The following SPAG17 variants were observed in gnomAD, a reference collection of about 807,000 sequenced individuals.
The protein encoded by SPAG17 is sperm-associated antigen 17.
A neutral mutation model predicts 273.6 loss-of-function variants in SPAG17; 169 were observed. The observed-to-expected ratio is 0.62, with a 90% CI of 0.55 to 0.70. The LOEUF (loss-of-function observed/expected upper bound fraction) is 0.70, where lower values mean the gene tolerates loss of function less well. Ranked by LOEUF, SPAG17 falls within the 30% of genes least tolerant of loss-of-function variation. The pLI, the probability that SPAG17 is intolerant of heterozygous loss-of-function variation, is 0.00. For synonymous variants in SPAG17, 825 were observed against 873.2 expected (o/e 0.94, Z 0.97); for missense variants, 2,557 against 2,627.8 (o/e 0.97, Z 0.59).
At position 117,981,514 on chromosome 1, in the gene SPAG17, C is replaced by T. The variant is rs898376540; in HGVS notation, c.5873-113G>A. ...AGGTGTTTTACAATGAATGAGGTAC[C>T]TTTTCTGCCACTCTCTTTAGAAAGA... is the stretch of plus-strand genomic sequence containing the variant. On this transcript the variant is annotated intron_variant, in intron 42 of 48. Transcript: ENST00000336338. The T allele has an allele frequency of 6.3e-4, 682 of 1,080,472 alleles. 9 individuals are homozygous for T. The Middle Eastern group carries it at 7.0e-3, about 11-fold the overall frequency. The allele number at this position is 1,080,472 out of a possible 1,614,324, so 66.9% of individuals were successfully genotyped here.
chr1:118,006,050 C>T (rs772895453), intron 31 of SPAG17, among the ~76,000 whole-genome samples: 12 of 152,126 alleles, frequency 7.9e-5, no homozygotes, highest in Admixed American at 2.0e-4. Context: ...GTGGCTGACA[C>T]GGTCCTTAAG....
At chr1:117,978,278 CACACCAA>C (rs1655352195) in intron 43 of SPAG17, among the ~76,000 whole-genome samples, 1 of 152,176 alleles carries the variant, frequency 6.6e-6, no homozygotes, top group Non-Finnish European at 1.5e-5. Flanking sequence ...CCATCTTCCC[CACACCAA>C]ACCTATCAAC....
At chr1:118,037,887 A>G (rs1649268641) in intron 23 of SPAG17, among the ~76,000 whole-genome samples, 1 of 152,178 alleles carries the variant, frequency 6.6e-6, no homozygotes, top group African/African-American at 2.4e-5. Context: ...GATAATAAAG[A>G]TGGGGCAATA....
rs375324159 is a variant in SPAG17, at chr1:118,185,085, C to G, written c.73G>C (p.Ala25Pro). 2 of 1,614,014 alleles carry G rather than the reference C, an allele frequency of 1.2e-6. No homozygotes were observed. The highest frequency in any genetic ancestry group is 3.3e-5 in the Admixed American group (2 of 60,022). Residue 25 changes from alanine (A) to proline (P), a missense_variant, in exon 1 of 49, where the codon GCA becomes CCA. Coordinates refer to ENST00000336338, the MANE Select transcript of SPAG17 (RefSeq NM_206996.4). ...TCAAGGCTCACCTGATTGAACTGTG[C>G]AGCTATGAGCGAGGGTTCCCATATC... Reference protein sequence around the residue: ...SKIWEPSLIAAQFNQNDWQAS... With the variant: ...SKIWEPSLIAPQFNQNDWQAS...
At position 118,042,056 on chromosome 1, in the gene SPAG17, T is replaced by C. The variant is rs755120969; in HGVS notation, c.2815-14A>G. The C allele has an allele frequency of 6.9e-6, 11 of 1,593,006 alleles. No homozygotes were observed. Among genetic ancestry groups the C allele is most frequent in the Non-Finnish European group, 9.4e-6 (11 of 1,174,780 alleles). ...TTCTTTCCATGCCTGTAAACACATT[T>C]AAGAAATTTAACAGGATTTTTAAAC... On this transcript the variant is annotated splice_polypyrimidine_tract_variant and intron_variant, in intron 20 of 48. Transcript: ENST00000336338.
chr1:118,032,995 A>C (rs1648656905), intron 24 of SPAG17, among the ~76,000 whole-genome samples: 2 of 152,100 alleles, frequency 1.3e-5, no homozygotes, highest in Admixed American at 1.3e-4. Flanking sequence ...CTCGGGCCCC[A>C]CCTTGACCTA....
At chr1:118,052,690 T>A (rs1261014590) in intron 20 of SPAG17, among the ~76,000 whole-genome samples, 1 of 151,920 alleles carries the variant, frequency 6.6e-6, no homozygotes, top group Non-Finnish European at 1.5e-5. Flanking sequence ...AGTTAAAAAA[T>A]AAGTAATAAA....
chr1:118,143,012 T>C (rs865773894), intron 3 of SPAG17, among the ~76,000 whole-genome samples: 1 of 152,228 alleles, frequency 6.6e-6, no homozygotes, highest in African/African-American at 2.4e-5. Flanking sequence ...ACATGGTCAC[T>C]TAACCATATA....
intron 3 of SPAG17, among the ~76,000 whole-genome samples, chr1:118,136,638 A>C (rs1658373586): frequency 6.6e-6 from 1 of 152,180 alleles, no homozygotes; most frequent in African/African-American, 2.4e-5. Flanking sequence ...GCCTGCATGC[A>C]TAAAACAGGA....
At chr1:118,032,355 G>A (rs1648572047) in intron 24 of SPAG17, among the ~76,000 whole-genome samples, 1 of 151,984 alleles carries the variant, frequency 6.6e-6, no homozygotes, top group Non-Finnish European at 1.5e-5. Context: ...AAATCCAGAA[G>A]AGAAACTTGT....
intron 17 of SPAG17, among the ~76,000 whole-genome samples, chr1:118,072,497 A>G (rs1426033136): frequency 6.6e-6 from 1 of 152,222 alleles, no homozygotes; most frequent in Non-Finnish European, 1.5e-5. Flanking sequence ...TAATACAATA[A>G]AACTAATAGA....
In SPAG17 at chr1:118,025,326, G is replaced by A. The variant is rs756839531; in HGVS notation, c.3821C>T (p.Thr1274Met). The A allele has an allele frequency of 8.9e-5, 143 of 1,613,424 alleles. No homozygotes were observed. Among genetic ancestry groups the A allele is most frequent in the South Asian group, 4.7e-4 (43 of 91,026 alleles). ...CTCCTGCTCTGCGGGTGGCATCACC[G>A]TTTTATAGAACTCATAGTGCTTCAC... ...QRVKHYEFYK[T>M]VMPPAEQEAS... Residue 1274 changes from threonine to methionine, a missense_variant, in exon 27 of 49, where the codon ACG becomes ATG. Coordinates refer to ENST00000336338, the MANE Select transcript of SPAG17 (RefSeq NM_206996.4).
At position 118,028,353 on chromosome 1, in the gene SPAG17, C is replaced by G; in HGVS notation, c.3651G>C (p.Leu1217Phe). ...TTAGGCTCTGGAAGGTGGGAACATC[C>G]AAAGTCTCTTGTAAAACAGGTTCTG... is the stretch of plus-strand genomic sequence containing the variant. ...VEPEPVLQET[L>F]DVPTFQSLNV... Residue 1217 changes from leucine (L) to phenylalanine (F), a missense_variant, in exon 26 of 49, where the codon TTG (leucine) becomes TTC (phenylalanine). Transcript: ENST00000336338. The G allele has an allele frequency of 1.2e-6, 2 of 1,613,844 alleles. No homozygotes were observed. The highest frequency in any genetic ancestry group is 1.7e-6 in the Non-Finnish European group (2 of 1,179,782).
At chr1:118,086,613 TAG>T in intron 12 of SPAG17, 56 bp downstream of exon 12, 1 of 1,413,732 alleles carries the variant, frequency 7.1e-7, no homozygotes, top group South Asian at 1.2e-5. Flanking sequence ...TTCAACTGAA[TAG>T]TTATAAACAC....
chr1:118,042,344 C>T (rs1435780953), intron 20 of SPAG17, among the ~76,000 whole-genome samples: 1 of 152,120 alleles, frequency 6.6e-6, no homozygotes, highest in Non-Finnish European at 1.5e-5. Flanking sequence ...TTGCAGCAGC[C>T]TCTTAACTGG....
intron 23 of SPAG17, among the ~76,000 whole-genome samples, chr1:118,037,685 T>C (rs1467846961): frequency 6.6e-6 from 1 of 152,182 alleles, no homozygotes; most frequent in Non-Finnish European, 1.5e-5. Context: ...GTTTTAGTTT[T>C]TCGTGGCTGC....
At chr1:117,987,983 T>C (rs1482737573) in intron 39 of SPAG17, 102 bp from the exon 40 acceptor site, 5 of 1,462,116 alleles carry the variant, frequency 3.4e-6, no homozygotes, top group Middle Eastern at 1.9e-4. Context: ...ATTAATAGTA[T>C]GGGAGATGAA....
chr1:118,008,072 A>G lies in SPAG17; in HGVS notation c.4559T>C (p.Ile1520Thr). ...GTATGTTCCCTGTGGCTTTGCAATA[A>G]TAGTTGTTCCATCTCCAAAGGTGGC... ...CCATFGDGTT[I>T]IAKPQGTYQV... The change falls in exon 31 of 49, where the codon ATT becomes ACT. Residue 1520 changes from isoleucine (I) to threonine (T), a missense_variant. By Grantham distance (89) the Ile-to-Thr change is moderately conservative. Coordinates refer to ENST00000336338, the MANE Select transcript of SPAG17 (RefSeq NM_206996.4). The G allele has an allele frequency of 6.2e-7, 1 of 1,614,000 alleles. No homozygotes were observed. Among genetic ancestry groups the G allele is most frequent in the Non-Finnish European group, 8.5e-7 (1 of 1,179,934 alleles).
At chr1:118,058,987 A>T (rs935529036) in intron 18 of SPAG17, among the ~76,000 whole-genome samples, 1 of 152,208 alleles carries the variant, frequency 6.6e-6, no homozygotes, top group Admixed American at 6.5e-5. Flanking sequence ...AATCATAAAA[A>T]GATATGAACA....
Sources: allele counts gnomAD v4.1 joint callset (sites outside exome capture counted in the v4.1 genomes callset), GRCh38; gene constraint gnomAD v4.1.1; transcripts MANE v1.5; gene names NCBI Gene and HGNC (gene_info 2026-07-23, HGNC 2026-07-21).